Variants in MYRFL observed in about 807,000 individuals in gnomAD.
The protein encoded by MYRFL is myelin regulatory factor like, also known as myelin regulatory factor-like protein.
Under a neutral mutation model 109.4 loss-of-function variants are expected in MYRFL, and 88 were observed. That is an observed-to-expected ratio of 0.80 (90% confidence interval 0.68 to 0.96). MYRFL has a LOEUF of 0.96. Ranked by LOEUF, MYRFL falls within the 40% of genes least tolerant of loss-of-function variation. The pLI, the probability that MYRFL is intolerant of heterozygous loss-of-function variation, is 0.00. For synonymous variants in MYRFL, 324 were observed against 320.9 expected (o/e 1.01, Z -0.10); for missense variants, 957 against 954.9 (o/e 1.00, Z -0.03).
chr12:69,903,596 T>C, intron 10 of MYRFL, 48 bp from the exon 11 acceptor site: 1 of 1,516,388 alleles, frequency 6.6e-7, no homozygotes, highest in Non-Finnish European at 8.8e-7. Flanking sequence ...TGATCATCTA[T>C]TCCTGCTACT....
chr12:69,958,805 T>TATTA lies in MYRFL; in HGVS notation c.*275_*278dup, dbSNP rs1956152517. ...ACAGTTCTGTTGAATTTAAAAATAC[T>TATTA]ATTATTTCTGGTATTAAGGAAGTTG... is the stretch of plus-strand genomic sequence containing the variant. On this transcript the variant is annotated 3_prime_UTR_variant, in exon 25 of 25. Coordinates refer to ENST00000552032, the MANE Select transcript of MYRFL (RefSeq NM_182530.3). 1 of 325,104 alleles carries TATTA rather than the reference T, an allele frequency of 3.1e-6. No homozygotes were observed. The highest frequency in any genetic ancestry group is 6.6e-5 in the East Asian group (1 of 15,076). The allele number at this position is 325,104 out of a possible 1,614,324, so 20.1% of individuals were successfully genotyped here.
chr12:69,840,634 A>G (rs921953447), intron 1 of MYRFL, among the ~76,000 whole-genome samples: 1 of 152,218 alleles, frequency 6.6e-6, no homozygotes. Context: ...GAATAAGTTC[A>G]TTTAGCGTCT....
chr12:69,940,576 C>T (rs147337107), intron 19 of MYRFL, among the ~76,000 whole-genome samples: 5,263 of 152,104 alleles, frequency 0.035, 311 homozygotes, highest in African/African-American at 0.12. Context: ...AAGGAACAAC[C>T]GGTACCAGCC....
chr12:69,825,655 T>C, intron 1 of MYRFL, 92 bp downstream of exon 1: 1 of 662,382 alleles, frequency 1.5e-6, no homozygotes, highest in Non-Finnish European at 2.7e-6. Flanking sequence ...AAACTTTGTT[T>C]TGAAAGAAAT....
rs1884211590 is a variant in MYRFL at position 69,855,356 on chromosome 12, T to C, written c.123T>C (p.Phe41=). 10 of 702,626 alleles carry C rather than the reference T, an allele frequency of 1.4e-5. No homozygotes were observed. The highest frequency in any genetic ancestry group is 2.3e-5 in the Non-Finnish European group (9 of 384,806). 43.5% of individuals were successfully genotyped at this position (702,626 alleles called of 1,614,324 possible). A position where few individuals can be genotyped will look rare whatever the true frequency, so the allele number is the denominator to read the frequency against. ...SLLEEFLGND[F]DLGALQRQLP... Reference sequence around the variant, plus strand: ...TGGAGGAATTTCTGGGCAATGACTTTGATTTGGGGGCCTTGTAAGTAATGA... The same window carrying C: ...TGGAGGAATTTCTGGGCAATGACTTCGATTTGGGGGCCTTGTAAGTAATGA... Residue 41 remains phenylalanine, a synonymous_variant, in exon 2 of 25, where the codon TTT becomes TTC. Coordinates refer to ENST00000552032, the MANE Select transcript of MYRFL (RefSeq NM_182530.3).
chr12:69,866,689 G>A (rs1177087863), intron 2 of MYRFL, among the ~76,000 whole-genome samples: 2 of 152,106 alleles, frequency 1.3e-5, no homozygotes, highest in African/African-American at 4.8e-5. Flanking sequence ...AGAGACCACT[G>A]GGCTGCAAAA....
At chr12:69,880,502 G>T (rs978400789) in intron 5 of MYRFL, among the ~76,000 whole-genome samples, 1 of 152,182 alleles carries the variant, frequency 6.6e-6, no homozygotes, top group Non-Finnish European at 1.5e-5. Context: ...GATGTTTCCC[G>T]TCTCAGGTGT....
At chr12:69,867,868 C>T (rs1169955222) in intron 2 of MYRFL, among the ~76,000 whole-genome samples, 1 of 152,096 alleles carries the variant, frequency 6.6e-6, no homozygotes, top group Non-Finnish European at 1.5e-5. Context: ...TAAGAGAAAG[C>T]CTGAAGAAGA....
At chr12:69,885,118 A>C (rs1886366837) in intron 5 of MYRFL, among the ~76,000 whole-genome samples, 1 of 152,236 alleles carries the variant, frequency 6.6e-6, no homozygotes, top group Admixed American at 6.5e-5. Context: ...TTTTTTTTAA[A>C]AAAAAATATT....
chr12:69,872,748 C>T (rs997496933), intron 2 of MYRFL, among the ~76,000 whole-genome samples: 1 of 152,192 alleles, frequency 6.6e-6, no homozygotes, highest in African/African-American at 2.4e-5. Flanking sequence ...ATCCACCTGC[C>T]TCGGCCTCCC....
At position 69,926,933 on chromosome 12, in the gene MYRFL, G is replaced by GTT. The variant is rs1491453128; in HGVS notation, c.1766+226_1766+227dup. On this transcript the variant is annotated intron_variant, in intron 14 of 24. Coordinates refer to ENST00000552032, the MANE Select transcript of MYRFL (RefSeq NM_182530.3). ...CTTTCTTAGTTTTTTTCTGTTGCTG[G>GTT]TTTTTTTTTTTTTTTTTTTTTTTTT... Among the ~76,000 whole-genome samples the GTT allele has an allele frequency of 6.4e-5, 2 of 31,396 alleles. 1 individual carries two copies. Among genetic ancestry groups the GTT allele is most frequent in the Non-Finnish European group, 9.9e-5 (2 of 20,192 alleles). The allele number at this position is 31,396 out of a possible 152,430, so 20.6% of individuals were successfully genotyped here. A position where few individuals can be genotyped will look rare whatever the true frequency, so the allele number is the denominator to read the frequency against.
At chr12:69,917,116 T>C (rs1954757874) in intron 13 of MYRFL, among the ~76,000 whole-genome samples, 1 of 152,180 alleles carries the variant, frequency 6.6e-6, no homozygotes, top group Non-Finnish European at 1.5e-5. Context: ...GATGATCTCA[T>C]CATTTGGGCC....
chr12:69,938,841 G>C (rs1430621369), intron 19 of MYRFL, among the ~76,000 whole-genome samples: 3 of 152,134 alleles, frequency 2.0e-5, no homozygotes, highest in Non-Finnish European at 2.9e-5. Flanking sequence ...TGCGCGCACC[G>C]TGCGCGAGCC....
chr12:69,929,942 T>A (rs1055875645), intron 15 of MYRFL, among the ~76,000 whole-genome samples: 5 of 152,242 alleles, frequency 3.3e-5, no homozygotes, highest in African/African-American at 1.2e-4. Context: ...AAGTGCTGCA[T>A]AATAGGTTGT....
In MYRFL at chr12:69,893,199, T is replaced by G. The variant is rs1204101853; in HGVS notation, c.904-565T>G. Among the ~76,000 whole-genome samples, 3 of 152,226 alleles carry G rather than the reference T, an allele frequency of 2.0e-5. No individual in the cohort carries two copies. The East Asian group carries it at 5.8e-4, about 29-fold the overall frequency. ...TTACAATGTGAATACCCACCAGTTG[T>G]ATATTACAGGGCTGATCTCACAAGT... On this transcript the variant is annotated intron_variant, in intron 7 of 24. Coordinates refer to ENST00000552032, the MANE Select transcript of MYRFL (RefSeq NM_182530.3).
intron 2 of MYRFL, among the ~76,000 whole-genome samples, chr12:69,866,637 CTTCTA>C (rs1318465446): frequency 6.6e-6 from 1 of 152,126 alleles, no homozygotes; most frequent in East Asian, 1.9e-4. Context: ...CAATGTGTGT[CTTCTA>C]AAGATATCAG....
At chr12:69,917,124 G>A (rs180733365) in intron 13 of MYRFL, among the ~76,000 whole-genome samples, 25 of 152,254 alleles carry the variant, frequency 1.6e-4, no homozygotes, top group African/African-American at 5.3e-4. Flanking sequence ...CATCATTTGG[G>A]CCTTAGAGCA....
rs1464859193 is a variant in MYRFL at position 69,958,573 on chromosome 12, G to A, written c.*42G>A. The A allele has an allele frequency of 2.2e-6, 3 of 1,375,804 alleles. No homozygotes were observed. The highest frequency in any genetic ancestry group is 2.6e-5 in the South Asian group (2 of 75,854). The allele number at this position is 1,375,804 out of a possible 1,614,324, so 85.2% of individuals were successfully genotyped here. A position where few individuals can be genotyped will look rare whatever the true frequency, so the allele number is the denominator to read the frequency against. On this transcript the variant is annotated 3_prime_UTR_variant, in exon 25 of 25. Coordinates refer to ENST00000552032, the MANE Select transcript of MYRFL (RefSeq NM_182530.3). ...GACTTTACCAAAGAAAAATACTCAG[G>A]AATACATTTAACAGAAACGAACATC...
chr12:69,953,602 C>T (rs1040613450), intron 21 of MYRFL, among the ~76,000 whole-genome samples: 3 of 148,856 alleles, frequency 2.0e-5, no homozygotes, highest in East Asian at 1.9e-4. Context: ...GATCCTGTCT[C>T]TCCAAACAAA....
Sources: gnomAD v4.1 joint callset for allele counts (sites outside exome capture counted in the v4.1 genomes callset) on GRCh38, gnomAD v4.1.1 for gene constraint, MANE v1.5 for transcripts, NCBI Gene and HGNC (gene_info 2026-07-23, HGNC 2026-07-21) for gene names.